Variants in NTN1 observed in about 807,000 individuals in gnomAD.
NTN1 encodes the protein netrin 1.
A neutral mutation model predicts 54.2 loss-of-function variants in NTN1; 11 were observed. That is an observed-to-expected ratio of 0.20 (90% CI 0.13 to 0.34). NTN1 has a LOEUF of 0.34. NTN1 is among the 10% of genes least tolerant of loss of function. The pLI is 1.00. For synonymous variants in NTN1, 371 were observed against 382.0 expected (o/e 0.97, Z 0.33); for missense variants, 740 against 893.1 (o/e 0.83, Z 2.18).
intron 2 of NTN1, among the ~76,000 whole-genome samples, chr17:9,043,546 A>G (rs778942846): frequency 2.7e-5 from 4 of 150,878 alleles, no homozygotes; most frequent in Non-Finnish European, 5.9e-5. Flanking sequence ...ATGCTTTTTT[A>G]TCATCTTCTA....
intron 6 of NTN1, among the ~76,000 whole-genome samples, chr17:9,231,002 G>C (rs765080430): frequency 1.3e-5 from 2 of 152,138 alleles, no homozygotes; most frequent in Admixed American, 6.5e-5. Context: ...CAAGGTGCCC[G>C]GAGTGTGGGG....
intron 5 of NTN1, among the ~76,000 whole-genome samples, chr17:9,186,715 G>T (rs755292320): frequency 2.0e-5 from 3 of 152,214 alleles, no homozygotes; most frequent in Non-Finnish European, 4.4e-5. Flanking sequence ...GTGTGGTGGG[G>T]GTGGGGGTTG....
At chr17:9,235,498 G>C (rs566787860) in intron 6 of NTN1, among the ~76,000 whole-genome samples, 2 of 152,174 alleles carry the variant, frequency 1.3e-5, no homozygotes, top group Non-Finnish European at 2.9e-5. Flanking sequence ...GAGTTTCATC[G>C]TGTGGGTGTG....
chr17:9,102,200 C>T (rs1280771977), intron 2 of NTN1, among the ~76,000 whole-genome samples: 1 of 152,192 alleles, frequency 6.6e-6, no homozygotes, highest in Non-Finnish European at 1.5e-5. Context: ...AGTCCATTCT[C>T]ACATTGCTAA....
chr17:9,205,364 A>G (rs1385958516), intron 5 of NTN1, among the ~76,000 whole-genome samples: 1 of 152,264 alleles, frequency 6.6e-6, no homozygotes, highest in Non-Finnish European at 1.5e-5. Context: ...GCAGTGGCTC[A>G]TGCCTGTAAT....
chr17:9,218,184 A>G (rs558654573), intron 5 of NTN1, among the ~76,000 whole-genome samples: 7 of 152,334 alleles, frequency 4.6e-5, no homozygotes, highest in Non-Finnish European at 1.0e-4. Context: ...GGACCCAGGC[A>G]TCGTGATGCC....
the NTN1 span, among the ~76,000 whole-genome samples, chr17:9,007,307 CCCTTCT>C: frequency 8.1e-6 from 1 of 123,722 alleles, no homozygotes; most frequent in African/African-American, 3.5e-5. Flanking sequence ...TTCTTTCTTT[CCCTTCT>C]TTTCCTTTCT....
chr17:9,187,838 AAAAG>A (rs2092438489), intron 5 of NTN1, among the ~76,000 whole-genome samples: 1 of 152,244 alleles, frequency 6.6e-6, no homozygotes, highest in Non-Finnish European at 1.5e-5. Context: ...CTCAAAAAAA[AAAAG>A]AAATGAAGTT....
chr17:9,043,899 AT>A (rs1177783866), intron 2 of NTN1, among the ~76,000 whole-genome samples: 1 of 151,484 alleles, frequency 6.6e-6, no homozygotes, highest in African/African-American at 2.4e-5. Context: ...AATTCTCTTA[AT>A]TTTTTTATCT....
the NTN1 span, among the ~76,000 whole-genome samples, chr17:9,004,152 C>G: frequency 6.6e-6 from 1 of 152,232 alleles, no homozygotes; most frequent in African/African-American, 2.4e-5. Flanking sequence ...GACGGCGGAG[C>G]TGGGGCTCGG....
intron 5 of NTN1, among the ~76,000 whole-genome samples, chr17:9,204,679 A>G (rs1904922749): frequency 6.6e-6 from 1 of 152,208 alleles, no homozygotes; most frequent in African/African-American, 2.4e-5. Flanking sequence ...GCAAGGATGC[A>G]TCAGCTTCCC....
chr17:9,116,148 G>A (rs1006337345), intron 2 of NTN1, among the ~76,000 whole-genome samples: 1 of 152,366 alleles, frequency 6.6e-6, no homozygotes. Context: ...AGGAGCGGCT[G>A]TGGGCCAGCT....
chr17:9,210,905 GAAAAAAAAAAAAAAAAAAAA>G (rs58541910), intron 5 of NTN1, among the ~76,000 whole-genome samples: 5 of 23,486 alleles, frequency 2.1e-4, no homozygotes, highest in East Asian at 1.3e-3. Context: ...GACTCCATCT[GAAAAAAAAAAAAAAAAAAAA>G]AAAAAAAAAA....
At chr17:9,072,342 ACCCTT>A (rs1162417540) in intron 2 of NTN1, among the ~76,000 whole-genome samples, 1 of 150,914 alleles carries the variant, frequency 6.6e-6, no homozygotes, top group Non-Finnish European at 1.5e-5. Flanking sequence ...GCTCCAGCTA[ACCCTT>A]AGATGCACTA....
intron 2 of NTN1, among the ~76,000 whole-genome samples, chr17:9,028,907 A>G (rs935471088): frequency 6.6e-6 from 1 of 152,324 alleles, no homozygotes; most frequent in South Asian, 2.1e-4. Flanking sequence ...CTGTGGATGC[A>G]CAAATACGGA....
intron 2 of NTN1, among the ~76,000 whole-genome samples, chr17:9,149,604 T>C (rs550278250): frequency 3.3e-5 from 5 of 152,090 alleles, no homozygotes; most frequent in African/African-American, 4.8e-5. Flanking sequence ...GTTCTTCTCA[T>C]CTCTTCTTCT....
chr17:9,119,457 G>A (rs1361084990), intron 2 of NTN1, among the ~76,000 whole-genome samples: 2 of 151,660 alleles, frequency 1.3e-5, no homozygotes, highest in Admixed American at 1.3e-4. Context: ...CAAAGTGCTG[G>A]GATTACAGGC....
intron 5 of NTN1, among the ~76,000 whole-genome samples, chr17:9,188,966 T>C (rs1169763693): frequency 6.6e-6 from 1 of 152,152 alleles, no homozygotes; most frequent in Non-Finnish European, 1.5e-5. Flanking sequence ...CTGTCCCAGG[T>C]TAGCCATTAG....
chr17:9,174,096 C>G (rs1355080155), intron 3 of NTN1: 1 of 152,452 alleles, frequency 6.6e-6, no homozygotes, highest in Admixed American at 6.5e-5. Flanking sequence ...CTGCCAGTGC[C>G]CTTTTGAGAA....
Sources: gnomAD v4.1 joint callset for allele counts (sites outside exome capture counted in the v4.1 genomes callset) on GRCh38, gnomAD v4.1.1 for gene constraint, MANE v1.5 for transcripts, NCBI Gene and HGNC (gene_info 2026-07-23, HGNC 2026-07-21) for gene names.